The following IL6R variants were observed in gnomAD, a reference collection of about 807,000 sequenced individuals.
The protein encoded by IL6R is interleukin 6 receptor, also known as interleukin-6 receptor subunit alpha.
In IL6R, 38 loss-of-function variants were observed where a neutral mutation model predicts 48.3. That is an observed-to-expected ratio of 0.79 (90% CI 0.61 to 1.03). The LOEUF is 1.03. Among genes scored for constraint, IL6R ranks in the 50% least tolerant of loss-of-function variants. The pLI is 0.00. For synonymous variants in IL6R, 264 were observed against 256.2 expected (o/e 1.03, Z -0.29); for missense variants, 534 against 618.3 (o/e 0.86, Z 1.45).
intron 1 of IL6R, chr1:154,414,980 A>C: frequency 6.8e-7 from 1 of 1,472,272 alleles, no homozygotes; most frequent in South Asian, 1.2e-5. Flanking sequence ...TCAGTATGTC[A>C]CGGGCCAGAA....
At chr1:154,425,178 TTTTAGTTTTTACTAC>T (rs1205855907) in intron 1 of IL6R, among the ~76,000 whole-genome samples, 2 of 152,156 alleles carry the variant, frequency 1.3e-5, no homozygotes, top group Non-Finnish European at 2.9e-5. Flanking sequence ...CATTTCTGCC[TTTTAGTTTTTACTAC>T]TTCTTTCTTT....
At chr1:154,450,010 G>A (rs774449360) in intron 8 of IL6R, 30 bp downstream of exon 8, 1 of 1,393,732 alleles carries the variant, frequency 7.2e-7, no homozygotes, top group South Asian at 1.2e-5. Context: ...ATATTCCCAG[G>A]GTCCGAGGGA....
rs755596954 is a variant in IL6R, at chr1:154,454,553, A to T, written c.1132A>T (p.Thr378Ser). 1 of 1,613,624 alleles carries T rather than the reference A, an allele frequency of 6.2e-7. No homozygotes were observed. The highest frequency in any genetic ancestry group is 1.7e-5 in the Admixed American group (1 of 59,994). Reference protein sequence around the residue: ...LVAGGSLAFGTLLCIAIVLRF... With the variant: ...LVAGGSLAFGSLLCIAIVLRF... The stretch of plus-strand genomic sequence containing the variant: ...TGCTGGAGGGAGCCTGGCCTTCGGA[A>T]CGCTCCTCTGCATTGCCATTGTTCT... The change falls in exon 9 of 10, where the codon ACG becomes TCG. Residue 378 changes from threonine (T) to serine (S), a missense_variant. Thr to Ser is a moderately conservative substitution (Grantham distance 58). Coordinates refer to ENST00000368485, the MANE Select transcript of IL6R (RefSeq NM_000565.4).
At chr1:154,424,903 G>A (rs947277984) in intron 1 of IL6R, among the ~76,000 whole-genome samples, 10 of 152,106 alleles carry the variant, frequency 6.6e-5, no homozygotes, top group Admixed American at 3.9e-4. Context: ...CGAGCTCCCC[G>A]AGTGAGCAAT....
chr1:154,425,899 T>C (rs1345415700), intron 1 of IL6R, among the ~76,000 whole-genome samples: 1 of 151,658 alleles, frequency 6.6e-6, no homozygotes, highest in Non-Finnish European at 1.5e-5. Context: ...GGGCAATATA[T>C]TGAGAACTTG....
At chr1:154,442,414 C>A (rs984916896) in intron 6 of IL6R, among the ~76,000 whole-genome samples, 1 of 152,124 alleles carries the variant, frequency 6.6e-6, no homozygotes, top group Admixed American at 6.5e-5. Context: ...GGGAGGGTGG[C>A]AGAGAGCTGC....
intron 9 of IL6R, among the ~76,000 whole-genome samples, chr1:154,455,296 G>A (rs1690807304): frequency 6.6e-6 from 1 of 152,076 alleles, no homozygotes; most frequent in African/African-American, 2.4e-5. Flanking sequence ...GGCGCAGCAC[G>A]GTTGGGGCAA....
intron 6 of IL6R, among the ~76,000 whole-genome samples, chr1:154,438,712 T>C (rs961730399): frequency 6.6e-6 from 1 of 152,162 alleles, no homozygotes; most frequent in African/African-American, 2.4e-5. Flanking sequence ...CCTGGCTGGC[T>C]TTGTACTGTG....
intron 5 of IL6R, among the ~76,000 whole-genome samples, chr1:154,435,563 C>T (rs1689573138): frequency 6.6e-6 from 1 of 151,952 alleles, no homozygotes; most frequent in African/African-American, 2.4e-5. Context: ...GCTCTAGTTC[C>T]TGCTTCACAA....
chr1:154,449,776 G>A lies in IL6R; in HGVS notation c.997-135G>A, dbSNP rs1191346048. The A allele has an allele frequency of 1.0e-5, 7 of 691,672 alleles. No individual in the cohort carries two copies. The East Asian group carries it at 1.8e-4, about 18-fold the overall frequency. 42.8% of individuals were successfully genotyped at this position (691,672 alleles called of 1,614,324 possible). On this transcript the variant is annotated intron_variant, in intron 7 of 9. Transcript: ENST00000368485. The stretch of plus-strand genomic sequence containing the variant: ...TAATAGTATTATTGATTTTTCCACT[G>A]TTATGAATGAAATGGAGAAAGGAAT...
intron 3 of IL6R, among the ~76,000 whole-genome samples, chr1:154,432,724 G>A (rs1188172389): frequency 6.6e-6 from 1 of 152,200 alleles, no homozygotes; most frequent in Non-Finnish European, 1.5e-5. Context: ...CTCCCGAGCA[G>A]CCTCGTGCCT....
chr1:154,440,932 C>T (rs968236494), intron 6 of IL6R, among the ~76,000 whole-genome samples: 12 of 152,222 alleles, frequency 7.9e-5, no homozygotes, highest in Non-Finnish European at 1.5e-4. Flanking sequence ...GGATTACAGG[C>T]GTGAGCCACC....
At position 154,439,900 on chromosome 1, in the gene IL6R, T is replaced by G. The variant is rs116080710; in HGVS notation, c.949+3790T>G. On this transcript the variant is annotated intron_variant, in intron 6 of 9. Transcript: ENST00000368485. ...TCCTTTGTCTCTTTCTGTCTCTCTC[T>G]TTTTCTCTTTTTTTTTGAGACGGAG... Among the ~76,000 whole-genome samples, 1,495 of 152,154 alleles carry G rather than the reference T, an allele frequency of 9.8e-3. 30 individuals carry two copies. The highest frequency in any genetic ancestry group is 0.034 in the African/African-American group (1,424 of 41,496).
chr1:154,438,052 T>C (rs940562809), intron 6 of IL6R, among the ~76,000 whole-genome samples: 1 of 152,076 alleles, frequency 6.6e-6, no homozygotes, highest in Admixed American at 6.6e-5. Context: ...TACATGCACA[T>C]GGCAAAGAAG....
chr1:154,447,959 C>G (rs1690366690), intron 6 of IL6R, among the ~76,000 whole-genome samples, 166 bp from the exon 7 acceptor site: 1 of 152,088 alleles, frequency 6.6e-6, no homozygotes, highest in Non-Finnish European at 1.5e-5. Flanking sequence ...GGTGATCTAC[C>G]CATCCTCCCA....
chr1:154,443,371 G>A (rs1690039874), intron 6 of IL6R, among the ~76,000 whole-genome samples: 1 of 152,130 alleles, frequency 6.6e-6, no homozygotes, highest in South Asian at 2.1e-4. Flanking sequence ...GGGTTAAAGA[G>A]CCTTGGTTAC....
chr1:154,448,874 GC>G (rs778507119), intron 7 of IL6R, among the ~76,000 whole-genome samples: 1 of 75,388 alleles, frequency 1.3e-5, no homozygotes, highest in Non-Finnish European at 2.6e-5. Flanking sequence ...GCTTGTAAGG[GC>G]TTTTTTTTTT....
intron 1 of IL6R, chr1:154,414,641 A>C: frequency 1.2e-6 from 1 of 826,820 alleles, no homozygotes; most frequent in Non-Finnish European, 2.1e-6. Context: ...ATGTCGATGA[A>C]GACGGTGTAG....
At chr1:154,420,539 A>G (rs1244833666) in intron 1 of IL6R, among the ~76,000 whole-genome samples, 1 of 150,722 alleles carries the variant, frequency 6.6e-6, no homozygotes, top group Admixed American at 6.6e-5. Flanking sequence ...TTATTTATTT[A>G]TTTTCAAGAA....
Sources: allele counts gnomAD v4.1 joint callset (sites outside exome capture counted in the v4.1 genomes callset), GRCh38; gene constraint gnomAD v4.1.1; transcripts MANE v1.5; gene names NCBI Gene and HGNC (gene_info 2026-07-23, HGNC 2026-07-21).